The following B3GALNT2 variants were observed in gnomAD, a reference collection of about 807,000 sequenced individuals.
B3GALNT2 encodes UDP-GalNAc:beta-1,3-N-acetylgalactosaminyltransferase 2.
B3GALNT2 carries 53 observed loss-of-function variants against 61.1 expected under a neutral mutation model. That is an observed-to-expected ratio of 0.87 (90% CI 0.70 to 1.09). The LOEUF is 1.09. Ranked by LOEUF, B3GALNT2 falls within the 50% of genes least tolerant of loss-of-function variation. The probability of loss-of-function intolerance (pLI) is 0.00; values close to 1 mark genes in which losing one functional copy is unlikely to be tolerated. For synonymous variants in B3GALNT2, 223 were observed against 237.4 expected (o/e 0.94, Z 0.56); for missense variants, 544 against 623.0 (o/e 0.87, Z 1.35).
At chr1:235,489,593 C>G (rs763265324) in intron 2 of B3GALNT2, among the ~76,000 whole-genome samples, 37 of 152,162 alleles carry the variant, frequency 2.4e-4, no homozygotes, top group Non-Finnish European at 4.6e-4. Flanking sequence ...AAAAACATAT[C>G]TATATCTAAA....
At chr1:235,481,272 G>C (rs994265127) in intron 4 of B3GALNT2, among the ~76,000 whole-genome samples, 3 of 152,166 alleles carry the variant, frequency 2.0e-5, no homozygotes, top group African/African-American at 7.2e-5. Flanking sequence ...ATGGCAACTA[G>C]AAGTTATATC....
At chr1:235,446,266 T>TCCGGGTTCAAGCAACTCTC (rs1379278216), downstream of B3GALNT2, among the ~76,000 whole-genome samples, 1 of 152,010 alleles carries the variant, frequency 6.6e-6, no homozygotes, top group African/African-American at 2.4e-5. Flanking sequence ...AACTCTGCCT[T>TCCGGGTTCAAGCAACTCTC]CCGGGTTCAA....
intron 1 of B3GALNT2, chr1:235,496,213 AG>A (rs1329268742): frequency 9.6e-6 from 2 of 207,958 alleles, no homozygotes; most frequent in African/African-American, 4.8e-5. Flanking sequence ...TGGGAGGCTG[AG>A]GCAGGAGAAT....
At chr1:235,463,023 A>G (rs1683503495) in intron 7 of B3GALNT2, among the ~76,000 whole-genome samples, 5 of 152,262 alleles carry the variant, frequency 3.3e-5, no homozygotes, top group Admixed American at 3.3e-4. Context: ...GTATATATAT[A>G]TATACCATGG....
chr1:235,470,823 A>C (rs1370200597), intron 6 of B3GALNT2, 27 bp downstream of exon 6: 1 of 1,608,492 alleles, frequency 6.2e-7, no homozygotes, highest in Admixed American at 1.7e-5. Context: ...AAAATATGCA[A>C]TTAAACCTTA....
the B3GALNT2 span, among the ~76,000 whole-genome samples, chr1:235,440,328 TG>T: frequency 1.3e-5 from 2 of 151,748 alleles, no homozygotes; most frequent in Admixed American, 6.6e-5. Context: ...AGGTTTCAGG[TG>T]GCGCACCATG....
At chr1:235,465,840 G>C (rs1683669722) in intron 6 of B3GALNT2, 126 bp from the exon 7 acceptor site, 1 of 1,041,846 alleles carries the variant, frequency 9.6e-7, no homozygotes, top group South Asian at 1.6e-5. Flanking sequence ...TAAGATGCTG[G>C]TGCACTGGAG....
intron 11 of B3GALNT2, chr1:235,450,607 A>T: frequency 2.5e-6 from 1 of 397,132 alleles, no homozygotes; most frequent in Non-Finnish European, 4.7e-6. Context: ...TCCGTAATGA[A>T]CGATTTTAGA....
chr1:235,467,609 C>A (rs1486494267), intron 6 of B3GALNT2, among the ~76,000 whole-genome samples: 1 of 147,716 alleles, frequency 6.8e-6, no homozygotes, highest in Non-Finnish European at 1.5e-5. Flanking sequence ...CTCAGCCTCT[C>A]AAGTAGCTGA....
intron 10 of B3GALNT2, among the ~76,000 whole-genome samples, chr1:235,453,608 G>A (rs995548329): frequency 6.6e-6 from 1 of 152,016 alleles, no homozygotes; most frequent in African/African-American, 2.4e-5. Context: ...TGTGCGCCCA[G>A]CTAATTTTTT....
intron 8 of B3GALNT2, 114 bp downstream of exon 8, chr1:235,458,489 A>G (rs769065366): frequency 2.5e-5 from 34 of 1,364,630 alleles, no homozygotes; most frequent in Non-Finnish European, 3.2e-5. Flanking sequence ...GTTCAAGACC[A>G]GCCTAGGAAA....
At chr1:235,485,842 T>C (rs554186381) in intron 3 of B3GALNT2, among the ~76,000 whole-genome samples, 46 of 152,336 alleles carry the variant, frequency 3.0e-4, no homozygotes, top group African/African-American at 1.1e-3. Context: ...GGTGAGTCTA[T>C]ATATTCAGTA....
Position 235,494,700 on chromosome 1 carries a change from G to A in B3GALNT2, c.241C>T (p.His81Tyr). 6.2e-7 allele frequency: 1 copy of A among 1,613,050 alleles called. No individual in the cohort carries two copies. Among genetic ancestry groups the A allele is most frequent in the Non-Finnish European group, 8.5e-7 (1 of 1,179,310 alleles). ...RSTWMRHLLQ[H>Y]PTLSQRVLVK... ...ACCTACCGTTGACTTAATGTGGGATGCTGTAGCAAATGTCTCATCCAGGTG... is the reference window on the plus strand; with the variant it reads ...ACCTACCGTTGACTTAATGTGGGATACTGTAGCAAATGTCTCATCCAGGTG... Residue 81 changes from histidine (H) to tyrosine (Y), a missense_variant, in exon 2 of 12, where the codon CAT becomes TAT. Coordinates refer to ENST00000366600, the MANE Select transcript of B3GALNT2 (RefSeq NM_152490.5).
the B3GALNT2 span, chr1:235,441,125 A>G: frequency 3.3e-5 from 5 of 152,928 alleles, no homozygotes; most frequent in Non-Finnish European, 7.3e-5. Flanking sequence ...GCAAGGGAAG[A>G]TGTGAAGCAG....
In B3GALNT2 at chr1:235,447,620, G is replaced by A. The variant is rs140675942; in HGVS notation, c.*2586C>T. On this transcript the variant is annotated 3_prime_UTR_variant, in exon 12 of 12. Coordinates refer to ENST00000366600, the MANE Select transcript of B3GALNT2 (RefSeq NM_152490.5). Reference sequence around the variant, plus strand: ...GGGGGAACTAAGGCCAGAGTTGAGAGATGTCCTCAGGATACCTGAGTCCCA... The same window carrying A: ...GGGGGAACTAAGGCCAGAGTTGAGAAATGTCCTCAGGATACCTGAGTCCCA... Among the ~76,000 whole-genome samples the A allele has an allele frequency of 6.6e-6, 1 of 152,254 alleles. No homozygotes were observed. Among genetic ancestry groups the A allele is most frequent in the African/African-American group, 2.4e-5 (1 of 41,558 alleles).
chr1:235,460,141 T>C lies in B3GALNT2; in HGVS notation c.842-1355A>G, dbSNP rs1401592328. Among the ~76,000 whole-genome samples, 5 of 150,614 alleles carry C rather than the reference T, an allele frequency of 3.3e-5. No homozygotes were observed. The Admixed American group carries it at 3.3e-4, about 10-fold the overall frequency. On this transcript the variant is annotated intron_variant, in intron 7 of 11. Transcript: ENST00000366600. ...TTTCTTTTTTGTTTTTGAGACACAGTCTCACTCTGTTGCACAGACTGGAGT... is the reference window on the plus strand; with the variant it reads ...TTTCTTTTTTGTTTTTGAGACACAGCCTCACTCTGTTGCACAGACTGGAGT...
At chr1:235,441,903 T>G in the B3GALNT2 span, 1 of 1,610,578 alleles carries the variant, frequency 6.2e-7, no homozygotes, top group South Asian at 1.1e-5. Context: ...CAGATTCAAA[T>G]AGTTTATTTG....
intron 7 of B3GALNT2, 162 bp downstream of exon 7, chr1:235,465,474 A>T: frequency 8.9e-7 from 1 of 1,119,782 alleles, no homozygotes; most frequent in Non-Finnish European, 1.2e-6. Context: ...CGGTTGTAGA[A>T]CTCTAAGAAT....
intron 3 of B3GALNT2, among the ~76,000 whole-genome samples, chr1:235,488,304 A>C (rs972249850): frequency 6.6e-6 from 1 of 152,292 alleles, no homozygotes; most frequent in African/African-American, 2.4e-5. Flanking sequence ...ACGCGTATGA[A>C]TCACACTGAA....
Sources: gnomAD v4.1 joint callset for allele counts (sites outside exome capture counted in the v4.1 genomes callset) on GRCh38, gnomAD v4.1.1 for gene constraint, MANE v1.5 for transcripts, NCBI Gene and HGNC (gene_info 2026-07-23, HGNC 2026-07-21) for gene names.